The following KIF4A variants were observed in gnomAD, a reference collection of about 807,000 sequenced individuals.
KIF4A encodes the protein kinesin family member 4A, also known as chromosome-associated kinesin KIF4A.
KIF4A carries 7 observed loss-of-function variants against 105.9 expected under a neutral mutation model. The ratio of observed to expected loss-of-function variants is 0.07; its 90% CI spans 0.04 to 0.12. The LOEUF is 0.12. Among genes scored for constraint, KIF4A ranks in the 10% least tolerant of loss-of-function variants. The pLI, the probability that KIF4A is intolerant of heterozygous loss-of-function variation, is 1.00. For missense variants in KIF4A, 558 were observed against 929.2 expected (o/e 0.60, Z 5.19); for synonymous variants, 281 against 331.3 (o/e 0.85, Z 1.65).
intron 11 of KIF4A, among the ~76,000 whole-genome samples, chrX:70,343,425 A>C: frequency 9.0e-6 from 1 of 111,463 alleles, no homozygotes; most frequent in Non-Finnish European, 1.9e-5. Context: ...CTATGGAATT[A>C]AGGCTTCACA....
At chrX:70,316,002 C>T (rs1474195019) in intron 7 of KIF4A, among the ~76,000 whole-genome samples, 2 of 111,622 alleles carry the variant, frequency 1.8e-5, no homozygotes, top group East Asian at 5.6e-4. Flanking sequence ...ACCCCTTACT[C>T]TCAGGTCTCA....
chrX:70,359,509 T>TA lies in KIF4A; in HGVS notation c.1674+5717dup, dbSNP rs1241828586. Among the ~76,000 whole-genome samples the TA allele has an allele frequency of 7.5e-3, 725 of 96,426 alleles. 8 individuals carry two copies. Among genetic ancestry groups the TA allele is most frequent in the Non-Finnish European group, 0.011 (519 of 47,945 alleles). The allele number at this position is 96,426 out of a possible 115,157, so 83.7% of individuals were successfully genotyped here. ...GGGGTATATTTATTTTCTCACATTT[T>TA]AAAAAAAAAAAAAAAGCTGAACATA... On this transcript the variant is annotated intron_variant, in intron 15 of 30. Coordinates refer to ENST00000374403, the MANE Select transcript of KIF4A (RefSeq NM_012310.5).
At position 70,373,847 on chromosome X, in the gene KIF4A, T is replaced by TAC. The variant is rs902162619; in HGVS notation, c.1675-284_1675-283dup. Among the ~76,000 whole-genome samples the TAC allele has an allele frequency of 9.1e-3, 333 of 36,472 alleles. 2 individuals carry two copies. The highest frequency in any genetic ancestry group is 0.034 in the Middle Eastern group (2 of 58). The allele number at this position is 36,472 out of a possible 115,157, so 31.7% of individuals were successfully genotyped here. A position where few individuals can be genotyped will look rare whatever the true frequency, so the allele number is the denominator to read the frequency against. ...ACATGTACACACACACACACACACA[T>TAC]ACACACACACACACACACACAAACT... On this transcript the variant is annotated intron_variant, in intron 15 of 30. Coordinates refer to ENST00000374403, the MANE Select transcript of KIF4A (RefSeq NM_012310.5).
intron 20 of KIF4A, among the ~76,000 whole-genome samples, chrX:70,395,056 GCCAACATGGTGAAACC>G (rs1388654773): frequency 8.9e-6 from 1 of 111,887 alleles, no homozygotes; most frequent in African/African-American, 3.2e-5. Context: ...GACCAGCCTG[GCCAACATGGTGAAACC>G]CCATCTGTAC....
intron 15 of KIF4A, among the ~76,000 whole-genome samples, chrX:70,361,308 C>T (rs1262099871): frequency 8.8e-6 from 1 of 113,796 alleles, no homozygotes; most frequent in Non-Finnish European, 1.9e-5. Flanking sequence ...GTGCAGCATG[C>T]ATGGGGCCTT....
intron 22 of KIF4A, among the ~76,000 whole-genome samples, chrX:70,396,628 G>A (rs1303955283): frequency 2.7e-5 from 3 of 112,116 alleles, no homozygotes; most frequent in African/African-American, 9.7e-5. Context: ...CAGAATTTTA[G>A]AGGAACCAAA....
chrX:70,368,610 A>G (rs1569243679), intron 15 of KIF4A, among the ~76,000 whole-genome samples: 1 of 111,300 alleles, frequency 9.0e-6, no homozygotes, highest in African/African-American at 3.3e-5. Context: ...TCCTCTGGAA[A>G]TTTTGTCTCA....
intron 20 of KIF4A, among the ~76,000 whole-genome samples, chrX:70,393,799 C>CTCTT (rs1226256913): frequency 8.9e-4 from 52 of 58,544 alleles, no homozygotes; most frequent in African/African-American, 3.8e-3. Context: ...CTTTTCTTTT[C>CTCTT]TCTTTCTTTC....
chrX:70,408,319 G>C (rs2086308536), intron 28 of KIF4A, among the ~76,000 whole-genome samples: 1 of 111,363 alleles, frequency 9.0e-6, no homozygotes, highest in Non-Finnish European at 1.9e-5. Context: ...TCTAGGCTAA[G>C]GAACAAAAAG....
rs369989076 is a variant in KIF4A, at chrX:70,374,157, A to G, written c.1681A>G (p.Ile561Val). 135 of 1,161,944 alleles carry G rather than the reference A, an allele frequency of 1.2e-4. No individual in the cohort carries two copies. The highest frequency in any genetic ancestry group is 1.5e-4 in the Non-Finnish European group (124 of 853,165). ...QPIQYQYQDNIKELELEVINL... is the reference protein window; with the variant it reads ...QPIQYQYQDNVKELELEVINL... ...TGACCTATAACCTTTCTAGGATAAC[A>G]TAAAAGAGCTAGAATTAGAAGTCAT... The change falls in exon 16 of 31, where the codon ATA becomes GTA. Residue 561 changes from isoleucine to valine, a missense_variant. Physicochemically the swap from Ile to Val is conservative, Grantham distance 29 (BLOSUM62 3). Coordinates refer to ENST00000374403, the MANE Select transcript of KIF4A (RefSeq NM_012310.5).
chrX:70,340,047 T>C (rs2085966527), intron 10 of KIF4A, among the ~76,000 whole-genome samples: 2 of 111,194 alleles, frequency 1.8e-5, no homozygotes, highest in African/African-American at 6.5e-5. Flanking sequence ...ATAGTACCTA[T>C]CTCTGTAGTC....
chrX:70,355,712 G>A (rs7890145), intron 15 of KIF4A, among the ~76,000 whole-genome samples: 8 of 110,952 alleles, frequency 7.2e-5, no homozygotes, highest in African/African-American at 9.8e-5. Context: ...TGGGGTGAGC[G>A]CCCGGTGCAG....
intron 10 of KIF4A, among the ~76,000 whole-genome samples, chrX:70,335,835 A>G (rs1363858111): frequency 8.9e-6 from 1 of 111,743 alleles, no homozygotes; most frequent in Admixed American, 9.5e-5. Flanking sequence ...TAATGCATAC[A>G]TGTACCACAA....
intron 15 of KIF4A, among the ~76,000 whole-genome samples, chrX:70,368,718 T>A: frequency 8.9e-6 from 1 of 112,081 alleles, no homozygotes; most frequent in African/African-American, 3.3e-5. Context: ...GAGGAGGCAG[T>A]CTTTTCGTTC....
intron 18 of KIF4A, among the ~76,000 whole-genome samples, chrX:70,380,687 G>C (rs1244149961): frequency 9.0e-6 from 1 of 111,622 alleles, no homozygotes; most frequent in Non-Finnish European, 1.9e-5. Flanking sequence ...GGAAGTTTAG[G>C]GAAGAAAAAT....
intron 7 of KIF4A, among the ~76,000 whole-genome samples, chrX:70,303,123 T>C (rs190137917): frequency 8.9e-6 from 1 of 112,236 alleles, no homozygotes; most frequent in African/African-American, 3.2e-5. Context: ...TGGCTTCTAG[T>C]GCTTATTCTT....
intron 7 of KIF4A, among the ~76,000 whole-genome samples, chrX:70,320,816 T>C (rs2085887293): frequency 1.8e-5 from 2 of 111,446 alleles, no homozygotes; most frequent in African/African-American, 6.5e-5. Flanking sequence ...TCAAAATAAC[T>C]AGAAGGGAGG....
chrX:70,411,977 TACAC>T (rs747340719), intron 28 of KIF4A, among the ~76,000 whole-genome samples: 20 of 106,479 alleles, frequency 1.9e-4, no homozygotes, highest in East Asian at 1.7e-3. Context: ...GCAGTTGTGA[TACAC>T]ACACACACAC....
At chrX:70,324,816 C>T (rs2085904624) in intron 7 of KIF4A, among the ~76,000 whole-genome samples, 2 of 111,594 alleles carry the variant, frequency 1.8e-5, no homozygotes, top group Non-Finnish European at 3.8e-5. Flanking sequence ...GGGTCTCACT[C>T]TGTCGCCTAG....
Sources: allele counts gnomAD v4.1 joint callset (sites outside exome capture counted in the v4.1 genomes callset), GRCh38; gene constraint gnomAD v4.1.1; transcripts MANE v1.5; gene names NCBI Gene and HGNC (gene_info 2026-07-23, HGNC 2026-07-21).